The following DROSHA variants were observed in gnomAD, a reference collection of about 807,000 sequenced individuals.
The protein encoded by DROSHA is ribonuclease 3.
A neutral mutation model predicts 181.9 loss-of-function variants in DROSHA; 56 were observed. The observed-to-expected ratio is 0.31, with a 90% CI of 0.25 to 0.38. The LOEUF (loss-of-function observed/expected upper bound fraction) is 0.38. Ranked by LOEUF, DROSHA falls within the 10% of genes least tolerant of loss-of-function variation. The probability of loss-of-function intolerance (pLI) is 1.00; values close to 1 mark genes in which losing one functional copy is unlikely to be tolerated. For synonymous variants in DROSHA, 524 were observed against 591.2 expected (o/e 0.89, Z 1.65); for missense variants, 1,218 against 1,743.5 (o/e 0.70, Z 5.37).
intron 27 of DROSHA, among the ~76,000 whole-genome samples, chr5:31,429,023 C>T (rs1380066727): frequency 1.3e-5 from 2 of 152,160 alleles, no homozygotes; most frequent in Non-Finnish European, 2.9e-5. Context: ...CAGAAACTCC[C>T]TATGAACTGA....
chr5:31,490,478 C>G (rs1293578225), intron 13 of DROSHA, among the ~76,000 whole-genome samples: 1 of 152,306 alleles, frequency 6.6e-6, no homozygotes, highest in East Asian at 1.9e-4. Flanking sequence ...GGCAAATACA[C>G]ATATCTTTAA....
At chr5:31,427,981 TC>T (rs1336165668) in intron 27 of DROSHA, among the ~76,000 whole-genome samples, 1 of 152,190 alleles carries the variant, frequency 6.6e-6, no homozygotes, top group Non-Finnish European at 1.5e-5. Context: ...ATTCTGAATC[TC>T]AACCACCCTG....
chr5:31,519,265 T>C (rs997540635), intron 6 of DROSHA, among the ~76,000 whole-genome samples: 10 of 152,148 alleles, frequency 6.6e-5, no homozygotes, highest in Admixed American at 3.9e-4. Context: ...AGGTCCTCAA[T>C]GATGTCCACT....
intron 16 of DROSHA, among the ~76,000 whole-genome samples, chr5:31,483,323 T>G (rs1485084668): frequency 6.6e-6 from 1 of 152,200 alleles, no homozygotes; most frequent in Non-Finnish European, 1.5e-5. Flanking sequence ...TCAAGTAGAT[T>G]TCTAAAATTT....
At chr5:31,421,648 T>C (rs1742670791) in intron 29 of DROSHA, 3 of 348,046 alleles carry the variant, frequency 8.6e-6, no homozygotes, top group Non-Finnish European at 1.6e-5. Flanking sequence ...GGTCAGAAGC[T>C]GAAGAGCATA....
In DROSHA at chr5:31,498,918, T is replaced by A. The variant is rs566456520; in HGVS notation, c.1669-3546A>T. ...GCACAAGAAGTGTGCTGTGACAGCATCAGTTGTGATGGCATCATTGGGTGC... is the reference window on the plus strand; with the variant it reads ...GCACAAGAAGTGTGCTGTGACAGCAACAGTTGTGATGGCATCATTGGGTGC... On this transcript the variant is annotated intron_variant, in intron 11 of 35. Transcript: ENST00000344624. Among the ~76,000 whole-genome samples the A allele has an allele frequency of 7.3e-5, 11 of 151,422 alleles. No individual in the cohort carries two copies. The South Asian group carries it at 2.3e-3, about 32-fold the overall frequency.
intron 16 of DROSHA, among the ~76,000 whole-genome samples, chr5:31,478,839 C>T (rs1750701492): frequency 6.6e-6 from 1 of 152,180 alleles, no homozygotes. Flanking sequence ...TTGGTATGTC[C>T]TTTCTAGAGA....
chr5:31,468,887 A>G (rs1471483154), intron 17 of DROSHA, among the ~76,000 whole-genome samples: 2 of 152,176 alleles, frequency 1.3e-5, no homozygotes, highest in Admixed American at 1.3e-4. Flanking sequence ...AATAATCTTC[A>G]TTCTGTCCCA....
In DROSHA at chr5:31,530,913, G is replaced by A. The variant is rs147069373; in HGVS notation, c.-162C>T. 139 of 398,438 alleles carry A rather than the reference G, an allele frequency of 3.5e-4. No homozygotes were observed. The highest frequency in any genetic ancestry group is 2.6e-3 in the African/African-American group (125 of 48,682). The allele number at this position is 398,438 out of a possible 1,614,324, so 24.7% of individuals were successfully genotyped here. On this transcript the variant is annotated 5_prime_UTR_variant, in exon 3 of 36. Coordinates refer to ENST00000344624, the MANE Select transcript of DROSHA (RefSeq NM_001382508.1). ...TCATTTCTGTATCCTTCACATCCCC[G>A]GGAAAAGCAACCTACACACAGTAGG...
intron 5 of DROSHA, among the ~76,000 whole-genome samples, chr5:31,525,753 C>A (rs1275175493): frequency 6.6e-6 from 1 of 152,076 alleles, no homozygotes; most frequent in African/African-American, 2.4e-5. Context: ...ATAATTTAAT[C>A]TATGATAACA....
intron 13 of DROSHA, chr5:31,486,790 TTAACAG>T (rs1309137721): frequency 2.3e-6 from 1 of 426,332 alleles, no homozygotes; most frequent in African/African-American, 2.0e-5. Context: ...TGGTGCTTAA[TTAACAG>T]TATTAGCAGC....
chr5:31,473,947 A>G (rs1463025024), intron 16 of DROSHA, among the ~76,000 whole-genome samples: 1 of 152,182 alleles, frequency 6.6e-6, no homozygotes, highest in East Asian at 1.9e-4. Flanking sequence ...AGATGGGAGC[A>G]TGTTTTTCAC....
chr5:31,406,556 A>G (rs1454857883), intron 34 of DROSHA, among the ~76,000 whole-genome samples: 1 of 152,140 alleles, frequency 6.6e-6, no homozygotes, highest in Non-Finnish European at 1.5e-5. Flanking sequence ...TTACACACAC[A>G]GCTTGCATCA....
intron 9 of DROSHA, among the ~76,000 whole-genome samples, chr5:31,510,752 T>C (rs1738577072): frequency 6.6e-6 from 1 of 152,156 alleles, no homozygotes; most frequent in Admixed American, 6.6e-5. Context: ...GCTCCTGCTC[T>C]CGGAAAGATG....
At chr5:31,434,933 T>C (rs914509267) in intron 25 of DROSHA, among the ~76,000 whole-genome samples, 2 of 152,270 alleles carry the variant, frequency 1.3e-5, no homozygotes, top group African/African-American at 4.8e-5. Flanking sequence ...GTGTAATTAC[T>C]ATAAACAAGT....
intron 16 of DROSHA, among the ~76,000 whole-genome samples, chr5:31,479,464 T>C (rs72549148): frequency 6.6e-6 from 1 of 152,292 alleles, no homozygotes; most frequent in East Asian, 1.9e-4. Flanking sequence ...CTCATACGAA[T>C]TGTGAAAACA....
intron 30 of DROSHA, among the ~76,000 whole-genome samples, chr5:31,417,384 G>C (rs750311031): frequency 1.3e-5 from 2 of 152,166 alleles, no homozygotes; most frequent in Non-Finnish European, 2.9e-5. Flanking sequence ...GGGAAGGTTT[G>C]GGAGGTTTTG....
At chr5:31,529,687 A>G (rs1741016487) in intron 3 of DROSHA, among the ~76,000 whole-genome samples, 1 of 149,818 alleles carries the variant, frequency 6.7e-6, no homozygotes, top group Non-Finnish European at 1.5e-5. Flanking sequence ...GTGAGCCGAG[A>G]TGGCGCCACT....
At chr5:31,481,829 G>A (rs1751065390) in intron 16 of DROSHA, among the ~76,000 whole-genome samples, 1 of 152,216 alleles carries the variant, frequency 6.6e-6, no homozygotes, top group African/African-American at 2.4e-5. Context: ...AGGAAAGTAA[G>A]GAGCACCCAG....
Sources: allele counts gnomAD v4.1 joint callset (sites outside exome capture counted in the v4.1 genomes callset), GRCh38; gene constraint gnomAD v4.1.1; transcripts MANE v1.5; gene names NCBI Gene and HGNC (gene_info 2026-07-23, HGNC 2026-07-21).